The following GCN1 variants were observed in gnomAD, a reference collection of about 807,000 sequenced individuals.
GCN1 encodes the protein stalled ribosome sensor GCN1.
GCN1 carries 90 observed loss-of-function variants against 288.4 expected under a neutral mutation model. The ratio of observed to expected loss-of-function variants is 0.31; its 90% CI spans 0.26 to 0.37. The LOEUF (loss-of-function observed/expected upper bound fraction) is 0.37, where lower values mean the gene tolerates loss of function less well. Ranked by LOEUF, GCN1 falls within the 10% of genes least tolerant of loss-of-function variation. The pLI, the probability that GCN1 is intolerant of heterozygous loss-of-function variation, is 1.00. For synonymous variants in GCN1, 1,386 were observed against 1,420.2 expected, an observed-to-expected ratio of 0.98 and a Z score of 0.54; for missense variants, 2,586 against 3,419.9, an observed-to-expected ratio of 0.76 and a Z score of 6.08.
chr12:120,156,306 C>T lies in GCN1; in HGVS notation c.3312+155G>A, dbSNP rs1374059591. Among the ~76,000 whole-genome samples the T allele has an allele frequency of 6.6e-6, 1 of 152,236 alleles. No homozygotes were observed. The highest frequency in any genetic ancestry group is 1.5e-5 in the Non-Finnish European group (1 of 68,046). On this transcript the variant is annotated intron_variant, in intron 28 of 57. Coordinates refer to ENST00000300648, the MANE Select transcript of GCN1 (RefSeq NM_006836.2). The surrounding 1 kb of genome is among the most constrained non-coding windows in gnomAD (Gnocchi z 5.8). The stretch of plus-strand genomic sequence containing the variant: ...TGATACATCATGACTGCTTAGTGTT[C>T]TGATTCTCAGAGAGACCCCAACCAT...
intron 1 of GCN1, among the ~76,000 whole-genome samples, chr12:120,193,363 T>A (rs1879068152): frequency 6.6e-6 from 1 of 152,120 alleles, no homozygotes; most frequent in African/African-American, 2.4e-5. Context: ...TGGAGCGCAG[T>A]GGTGCGATCT....
At chr12:120,161,417 C>A in intron 22 of GCN1, 73 bp downstream of exon 22, 1 of 898,248 alleles carries the variant, frequency 1.1e-6, no homozygotes, top group Non-Finnish European at 1.9e-6. Context: ...AGCATATGTG[C>A]AGTGGGAAAA....
At chr12:120,147,293 G>A (rs1877393097) in intron 37 of GCN1, 21 bp from the exon 38 acceptor site, 1 of 1,444,930 alleles carries the variant, frequency 6.9e-7, no homozygotes, top group Non-Finnish European at 9.6e-7. Flanking sequence ...AAAGAGAAGA[G>A]AGCTGGATGA....
At position 120,127,743 on chromosome 12, in the gene GCN1, C is replaced by G; in HGVS notation, c.*106G>C. 1 of 1,250,702 alleles carries G rather than the reference C, an allele frequency of 8.0e-7. No homozygotes were observed. The highest frequency in any genetic ancestry group is 2.3e-5 in the East Asian group (1 of 42,696). The allele number at this position is 1,250,702 out of a possible 1,614,324, so 77.5% of individuals were successfully genotyped here. On this transcript the variant is annotated 3_prime_UTR_variant, in exon 58 of 58. Transcript: ENST00000300648. ...TGGTCTATTGATATTAAAATACTTT[C>G]TGGGAACGCCATCTTCCAAGCTCCC...
At position 120,142,092 on chromosome 12, in the gene GCN1, C is replaced by T. The variant is rs999598319; in HGVS notation, c.5829+415G>A. On this transcript the variant is annotated intron_variant, in intron 44 of 57. Transcript: ENST00000300648. The surrounding 1 kb of genome is among the most constrained non-coding windows in gnomAD (Gnocchi z 4.9). ...CTGTAATCCCAGCACTTTGGGAGGC[C>T]GAGACGGGCGCATCACGAGGTCAGG... Among the ~76,000 whole-genome samples, 5 of 151,978 alleles carry T rather than the reference C, an allele frequency of 3.3e-5. No homozygotes were observed. The highest frequency in any genetic ancestry group is 4.8e-5 in the African/African-American group (2 of 41,370).
chr12:120,193,615 T>G (rs778491482), intron 1 of GCN1, among the ~76,000 whole-genome samples: 6 of 152,194 alleles, frequency 3.9e-5, no homozygotes, highest in Non-Finnish European at 8.8e-5. Flanking sequence ...AACAATGAAT[T>G]TTTTTATTTA....
At position 120,160,269 on chromosome 12, in the gene GCN1, G is replaced by A; in HGVS notation, c.2437-14C>T. ...CTTCTTTATCTCCTAAAGAGGATGGGCAAACCAACCAATCCCATCTCCAGG... is the reference window on the plus strand; with the variant it reads ...CTTCTTTATCTCCTAAAGAGGATGGACAAACCAACCAATCCCATCTCCAGG... On this transcript the variant is annotated splice_polypyrimidine_tract_variant and intron_variant, in intron 22 of 57. Transcript: ENST00000300648. 1.3e-6 allele frequency: 2 copies of A among 1,564,198 alleles called. No individual in the cohort carries two copies. Among genetic ancestry groups the A allele is most frequent in the Non-Finnish European group, 1.8e-6 (2 of 1,137,208 alleles).
intron 16 of GCN1, 116 bp downstream of exon 16, chr12:120,168,092 A>C (rs949797501): frequency 1.4e-6 from 1 of 721,794 alleles, no homozygotes; most frequent in African/African-American, 1.8e-5. Flanking sequence ...TGGCCAGATC[A>C]CTCTGGCCCA....
In GCN1 at chr12:120,145,029, G is replaced by A. The variant is rs1467166884; in HGVS notation, c.5049C>T (p.Ala1683=). ...VRTVSAKALG[A]MVKGMGESCF... ...ACGACTCCCCCATGCCCTTCACCAT[G>A]GCCCCAAGGGCCTTTGCAGATACGG... is the stretch of plus-strand genomic sequence containing the variant. Residue 1683 remains alanine (A), a synonymous_variant, in exon 40 of 58, where the codon GCC becomes GCT. Transcript: ENST00000300648. The A allele has an allele frequency of 4.3e-6, 7 of 1,614,002 alleles. No individual in the cohort carries two copies. Among genetic ancestry groups the A allele is most frequent in the Non-Finnish European group, 5.9e-6 (7 of 1,179,974 alleles).
At position 120,175,750 on chromosome 12, in the gene GCN1, G is replaced by C; in HGVS notation, c.1038C>G (p.Leu346=). 6.2e-7 allele frequency: 1 copy of C among 1,611,500 alleles called. No individual in the cohort carries two copies. The highest frequency in any genetic ancestry group is 2.2e-5 in the East Asian group (1 of 44,806). The part of the protein sequence containing the change: ...ESLTKHLFAI[L]GGSEGKLTVV... ...TGGCCAAGAAGGCTTGCTCACCTCC[G>C]AGGATAGCAAATAGGTGCTTGGTCA... The change falls in exon 11 of 58, where the codon CTC becomes CTG. Residue 346 remains leucine, a synonymous_variant. Transcript: ENST00000300648.
chr12:120,131,924 A>ACC lies in GCN1; in HGVS notation c.7414_7414+1dup. 1 of 1,588,226 alleles carries ACC rather than the reference A, an allele frequency of 6.3e-7. No individual in the cohort carries two copies. Among genetic ancestry groups the ACC allele is most frequent in the Non-Finnish European group, 8.6e-7 (1 of 1,162,066 alleles). ...TGAAGGGGAACTCTCCAGTGTACTT[A>ACC]CCCAGCAAGCACTGCTGTAGAACGG... On this transcript the variant is annotated splice_donor_variant, in intron 54 of 57. Transcript: ENST00000300648. LOFTEE classifies it high-confidence loss of function.
chr12:120,192,465 C>A (rs760050193), intron 1 of GCN1, among the ~76,000 whole-genome samples: 2 of 152,182 alleles, frequency 1.3e-5, no homozygotes, highest in African/African-American at 4.8e-5. Context: ...CAGTGGCTCA[C>A]GCCTGTAATC....
intron 36 of GCN1, among the ~76,000 whole-genome samples, chr12:120,148,689 G>C (rs1877438007): frequency 6.6e-6 from 1 of 152,198 alleles, no homozygotes; most frequent in African/African-American, 2.4e-5. Flanking sequence ...ATTTAGATTT[G>C]TGTTGTTTCA....
rs537707609 is a variant in GCN1, at chr12:120,149,562, TC to T, written c.4546+43del. On this transcript the variant is annotated intron_variant, in intron 36 of 57. Transcript: ENST00000300648. Reference sequence around the variant, plus strand: ...CCAGGATCCTTGCTGAGGCTGGTTTTCATAACAGGAAGCTGGGAAGAGAGGC... The same window carrying T: ...CCAGGATCCTTGCTGAGGCTGGTTTTATAACAGGAAGCTGGGAAGAGAGGC... The T allele has an allele frequency of 3.2e-5, 45 of 1,411,520 alleles. No homozygotes were observed. In the African/African-American group the frequency reaches 4.5e-4, roughly 14 times the overall value. The allele number at this position is 1,411,520 out of a possible 1,614,324, so 87.4% of individuals were successfully genotyped here. A position where few individuals can be genotyped will look rare whatever the true frequency, so the allele number is the denominator to read the frequency against.
chr12:120,187,887 G>GAAAAAAAAAAAAAAAAAAAAAAAAAAAA (rs537567748), intron 2 of GCN1, among the ~76,000 whole-genome samples: 1 of 99,618 alleles, frequency 1.0e-5, no homozygotes, highest in African/African-American at 3.8e-5. Context: ...CAAAAGAAAT[G>GAAAAAAAAAAAAAAAAAAAAAAAAAAAA]AAAAAAAAAA....
Position 120,156,575 on chromosome 12 carries a change from C to T in GCN1, c.3198G>A (p.Leu1066=), listed in dbSNP as rs769236567. 1 of 1,613,978 alleles carries T rather than the reference C, an allele frequency of 6.2e-7. No individual in the cohort carries two copies. Among genetic ancestry groups the T allele is most frequent in the Admixed American group, 1.7e-5 (1 of 60,000 alleles). ...QVLASDTLTT[L]CASSSGDDGC... ...CATCATCACCACTGCTGCTGGCACACAGGGTGGTCAGGGTGTCTGAAGCCA... is the reference window on the plus strand; with the variant it reads ...CATCATCACCACTGCTGCTGGCACATAGGGTGGTCAGGGTGTCTGAAGCCA... Residue 1066 remains leucine, a synonymous_variant, in exon 28 of 58, where the codon CTG becomes CTA. Transcript: ENST00000300648. The surrounding 1 kb of genome is among the most constrained non-coding windows in gnomAD (Gnocchi z 5.8).
rs1044917104 is a variant in GCN1 at position 120,137,405 on chromosome 12, G to A, written c.6664-86C>T. On this transcript the variant is annotated intron_variant, in intron 49 of 57. Coordinates refer to ENST00000300648, the MANE Select transcript of GCN1 (RefSeq NM_006836.2). This position sits in a 1 kb window ranked among gnomAD's most constrained non-coding sequence, Gnocchi z 5.2. ...ATATATGGGGAAAGCGTGGGCGGGA[G>A]TATAAACAAGACTTGCCACGAGTGG... The A allele has an allele frequency of 4.3e-6, 6 of 1,406,572 alleles. No individual in the cohort carries two copies. The highest frequency in any genetic ancestry group is 1.4e-5 in the African/African-American group (1 of 70,816). 87.1% of individuals were successfully genotyped at this position (1,406,572 alleles called of 1,614,324 possible).
intron 36 of GCN1, among the ~76,000 whole-genome samples, chr12:120,148,768 C>G (rs1041248382): frequency 3.3e-5 from 5 of 152,046 alleles, no homozygotes; most frequent in Non-Finnish European, 7.4e-5. Flanking sequence ...GTGATCCTCC[C>G]CCAACTAGAG....
At position 120,134,501 on chromosome 12, in the gene GCN1, G is replaced by C. The variant is rs1566297350; in HGVS notation, c.7202+32C>G. 6.2e-7 allele frequency: 1 copy of C among 1,606,772 alleles called. No homozygotes were observed. Among genetic ancestry groups the C allele is most frequent in the South Asian group, 1.1e-5 (1 of 90,876 alleles). On this transcript the variant is annotated intron_variant, in intron 52 of 57. Transcript: ENST00000300648. This position sits in a 1 kb window ranked among gnomAD's most constrained non-coding sequence, Gnocchi z 5.0. ...GCCCACAGCAACCCCTGGCCTCCTG[G>C]AGGCCACAGTGCTCCCTTGCCAGCG...
Sources: gnomAD v4.1 joint callset for allele counts (sites outside exome capture counted in the v4.1 genomes callset) on GRCh38, gnomAD v4.1.1 for gene constraint, Gnocchi (gnomAD v3.1) non-coding constraint, MANE v1.5 for transcripts, NCBI Gene and HGNC (gene_info 2026-07-23, HGNC 2026-07-21) for gene names.